EDIL3: variants seen among roughly 807,000 people sequenced by gnomAD.
EDIL3 encodes the protein EGF like and discoidin domains 3, also known as EGF-like repeat and discoidin I-like domain-containing protein 3.
A neutral mutation model predicts 67.4 loss-of-function variants in EDIL3; 37 were observed. The observed-to-expected ratio is 0.55, with a 90% CI of 0.42 to 0.72. The LOEUF is 0.72. Ranked by LOEUF, EDIL3 falls within the 30% of genes least tolerant of loss-of-function variation. The pLI, the probability that EDIL3 is intolerant of heterozygous loss-of-function variation, is 0.00. For synonymous variants in EDIL3, 195 were observed against 196.3 expected, an observed-to-expected ratio of 0.99 and a Z score of 0.05; for missense variants, 527 against 586.3, an observed-to-expected ratio of 0.90 and a Z score of 1.04.
chr5:84,236,308 G>C (rs1281320440), intron 2 of EDIL3, among the ~76,000 whole-genome samples: 1 of 152,038 alleles, frequency 6.6e-6, no homozygotes, highest in Non-Finnish European at 1.5e-5. Flanking sequence ...ATTAGTCTTT[G>C]AGAACATAAT....
In EDIL3 at chr5:84,050,516, A is replaced by C. The variant is rs1746315305; in HGVS notation, c.1137+9784T>G. Among the ~76,000 whole-genome samples, 4 of 152,244 alleles carry C rather than the reference A, an allele frequency of 2.6e-5. No homozygotes were observed. In the South Asian group the frequency reaches 8.3e-4, roughly 31 times the overall value. On this transcript the variant is annotated intron_variant, in intron 9 of 10. Coordinates refer to ENST00000296591, the MANE Select transcript of EDIL3 (RefSeq NM_005711.5). Reference sequence around the variant, plus strand: ...AGCGTGAGCTGAAGCAGGGCGAGGCATCGCCTCACCTGGGAAGTGCAAGGG... The same window carrying C: ...AGCGTGAGCTGAAGCAGGGCGAGGCCTCGCCTCACCTGGGAAGTGCAAGGG...
At chr5:83,971,138 T>G (rs1458728307) in intron 9 of EDIL3, among the ~76,000 whole-genome samples, 3 of 151,898 alleles carry the variant, frequency 2.0e-5, no homozygotes, top group African/African-American at 7.2e-5. Context: ...AATGCAATTT[T>G]AACATATATT....
intron 1 of EDIL3, among the ~76,000 whole-genome samples, chr5:84,365,241 T>C (rs1747704114): frequency 6.6e-6 from 1 of 152,140 alleles, no homozygotes; most frequent in Non-Finnish European, 1.5e-5. Flanking sequence ...CAACCAGCCA[T>C]GAACTAGTAG....
intron 1 of EDIL3, among the ~76,000 whole-genome samples, chr5:84,306,104 A>G (rs1386053979): frequency 6.6e-6 from 1 of 152,108 alleles, no homozygotes; most frequent in Non-Finnish European, 1.5e-5. Context: ...ATGTAAAAGC[A>G]TCAACGCATA....
intron 9 of EDIL3, among the ~76,000 whole-genome samples, chr5:84,014,685 A>G (rs535469768): frequency 1.3e-5 from 2 of 152,288 alleles, no homozygotes; most frequent in South Asian, 4.2e-4. Flanking sequence ...CTTTGATCAT[A>G]TTTGTAACTA....
chr5:84,242,311 G>T (rs1482609196), intron 2 of EDIL3, among the ~76,000 whole-genome samples: 1 of 152,044 alleles, frequency 6.6e-6, no homozygotes, highest in Non-Finnish European at 1.5e-5. Context: ...AAAGTAAGGT[G>T]GAGAGAGATT....
chr5:84,329,616 T>C (rs1210175424), intron 1 of EDIL3, among the ~76,000 whole-genome samples: 1 of 152,124 alleles, frequency 6.6e-6, no homozygotes, highest in Admixed American at 6.6e-5. Flanking sequence ...TGTTTGATAT[T>C]TCGTTGCTAT....
At chr5:83,950,267 G>T (rs1242435699) in intron 10 of EDIL3, among the ~76,000 whole-genome samples, 1 of 151,734 alleles carries the variant, frequency 6.6e-6, no homozygotes, top group East Asian at 1.9e-4. Flanking sequence ...TTTTTCTATT[G>T]AATTATCAAA....
intron 3 of EDIL3, among the ~76,000 whole-genome samples, chr5:84,225,230 G>A (rs1744424738): frequency 6.6e-6 from 1 of 151,604 alleles, no homozygotes; most frequent in Admixed American, 6.6e-5. Context: ...GGGGATGCAT[G>A]CCTACTATTA....
At chr5:84,379,761 C>T (rs1300413419) in intron 1 of EDIL3, among the ~76,000 whole-genome samples, 3 of 152,016 alleles carry the variant, frequency 2.0e-5, no homozygotes, top group Non-Finnish European at 2.9e-5. Flanking sequence ...CCTTACAATG[C>T]CCTCTTTTTT....
At chr5:84,320,516 T>C (rs1440890910) in intron 1 of EDIL3, among the ~76,000 whole-genome samples, 1 of 152,012 alleles carries the variant, frequency 6.6e-6, no homozygotes, top group Non-Finnish European at 1.5e-5. Flanking sequence ...AAATACAATC[T>C]GGTCAGCAGG....
At chr5:84,077,758 T>C (rs571862094) in intron 6 of EDIL3, among the ~76,000 whole-genome samples, 1 of 152,060 alleles carries the variant, frequency 6.6e-6, no homozygotes, top group Non-Finnish European at 1.5e-5. Context: ...CCAAATCATA[T>C]CAAATCATAT....
At chr5:84,344,749 C>T (rs530424669) in intron 1 of EDIL3, among the ~76,000 whole-genome samples, 2 of 151,942 alleles carry the variant, frequency 1.3e-5, no homozygotes, top group East Asian at 1.9e-4. Context: ...CCAAACAATT[C>T]CTTTTTATGT....
intron 7 of EDIL3, among the ~76,000 whole-genome samples, chr5:84,065,610 T>C (rs1746625336): frequency 6.6e-6 from 1 of 151,038 alleles, no homozygotes; most frequent in Non-Finnish European, 1.5e-5. Flanking sequence ...AAATTTTCGA[T>C]GAAGAACTAA....
intron 2 of EDIL3, among the ~76,000 whole-genome samples, chr5:84,238,463 C>T (rs746330587): frequency 7.2e-5 from 11 of 151,834 alleles, no homozygotes; most frequent in South Asian, 2.1e-4. Context: ...GAAATCTGTA[C>T]GTGTCATTTT....
intron 3 of EDIL3, among the ~76,000 whole-genome samples, chr5:84,227,068 G>T (rs1297077135): frequency 6.6e-6 from 1 of 151,980 alleles, no homozygotes; most frequent in Non-Finnish European, 1.5e-5. Flanking sequence ...ACTTAGTAAG[G>T]TGTGGGCAGC....
chr5:84,153,771 A>G (rs1748441409), intron 4 of EDIL3, among the ~76,000 whole-genome samples: 1 of 152,086 alleles, frequency 6.6e-6, no homozygotes. Flanking sequence ...CCTTGTTATT[A>G]TTTTTAACAT....
At chr5:84,031,968 T>C (rs907460395) in intron 9 of EDIL3, among the ~76,000 whole-genome samples, 17 of 152,220 alleles carry the variant, frequency 1.1e-4, no homozygotes, top group Admixed American at 4.6e-4. Flanking sequence ...TTGAAAAGCA[T>C]ACTTGTTCTC....
chr5:84,288,619 T>C (rs571714006), intron 1 of EDIL3, among the ~76,000 whole-genome samples: 1 of 152,238 alleles, frequency 6.6e-6, no homozygotes, highest in South Asian at 2.1e-4. Context: ...GATATTTCCA[T>C]CTAAACACTT....
Sources: gnomAD v4.1 joint callset for allele counts (sites outside exome capture counted in the v4.1 genomes callset) on GRCh38, gnomAD v4.1.1 for gene constraint, MANE v1.5 for transcripts, NCBI Gene and HGNC (gene_info 2026-07-23, HGNC 2026-07-21) for gene names.